Variants in SBF2 observed in about 807,000 individuals in gnomAD.
The protein encoded by SBF2 is SET binding factor 2.
In SBF2, 112 loss-of-function variants were observed where a neutral mutation model predicts 225.2. The observed-to-expected ratio is 0.50, with a 90% confidence interval of 0.43 to 0.58. The LOEUF (loss-of-function observed/expected upper bound fraction) is 0.58, where lower values mean the gene tolerates loss of function less well. SBF2 is among the 20% of genes least tolerant of loss of function. SBF2 has a pLI of 0.00. For synonymous variants in SBF2, 763 were observed against 773.3 expected (o/e 0.99, Z 0.22); for missense variants, 1,996 against 2,206.2 (o/e 0.90, Z 1.91).
At position 10,012,292 on chromosome 11, in the gene SBF2, G is replaced by C. The variant is rs572328609; in HGVS notation, c.620-9603C>G. Among the ~76,000 whole-genome samples, 369 of 152,152 alleles carry C rather than the reference G, an allele frequency of 2.4e-3. 3 individuals carry two copies. The highest frequency in any genetic ancestry group is 3.6e-3 in the Non-Finnish European group (242 of 67,994). On this transcript the variant is annotated intron_variant, in intron 6 of 39. Coordinates refer to ENST00000256190, the MANE Select transcript of SBF2 (RefSeq NM_030962.4). ...TCCTGCATAGCTGGGACTAAGGGGT[G>C]CACCATCACACCTGGCTAGTTTTTT... is the stretch of plus-strand genomic sequence containing the variant.
intron 2 of SBF2, among the ~76,000 whole-genome samples, chr11:10,067,286 A>G (rs1478013251): frequency 1.3e-5 from 2 of 152,236 alleles, no homozygotes; most frequent in East Asian, 1.9e-4. Context: ...CAATTCTTCT[A>G]CAAGTCAATC....
At chr11:9,908,320 T>G (rs1257270383) in intron 16 of SBF2, among the ~76,000 whole-genome samples, 1 of 152,052 alleles carries the variant, frequency 6.6e-6, no homozygotes, top group African/African-American at 2.4e-5. Context: ...TACTGGAAAT[T>G]GTGAATAGAG....
chr11:9,792,530 G>C (rs1305770872), intron 33 of SBF2, among the ~76,000 whole-genome samples: 5 of 152,118 alleles, frequency 3.3e-5, no homozygotes, highest in Non-Finnish European at 7.3e-5. Context: ...AGTTACCACA[G>C]GTGTTCCTAA....
chr11:9,959,389 C>A lies in SBF2; in HGVS notation c.1860+2568G>T, dbSNP rs1041358558. The stretch of plus-strand genomic sequence containing the variant: ...AACCAAAGGGGTGCCCGTCTGTCCC[C>A]ATGAGATTATATATTCCTGCTCCAT... On this transcript the variant is annotated intron_variant, in intron 16 of 39. Transcript: ENST00000256190. 3 of 818,056 alleles carry A rather than the reference C, an allele frequency of 3.7e-6. No individual in the cohort carries two copies. In the African/African-American group the frequency reaches 5.0e-5, roughly 14 times the overall value. 50.7% of individuals were successfully genotyped at this position (818,056 alleles called of 1,614,324 possible).
chr11:10,018,858 TCTGA>T (rs1209663060), intron 6 of SBF2, among the ~76,000 whole-genome samples: 2 of 152,206 alleles, frequency 1.3e-5, no homozygotes, highest in Non-Finnish European at 2.9e-5. Context: ...TTAATAACAT[TCTGA>T]CTATTTCCTA....
chr11:9,916,915 T>C (rs1292237311), intron 16 of SBF2, among the ~76,000 whole-genome samples: 1 of 151,912 alleles, frequency 6.6e-6, no homozygotes, highest in Non-Finnish European at 1.5e-5. Context: ...AACATAAAAT[T>C]GGATACTAGT....
intron 6 of SBF2, among the ~76,000 whole-genome samples, chr11:10,015,193 T>C (rs1406977560): frequency 6.6e-6 from 1 of 152,164 alleles, no homozygotes; most frequent in Non-Finnish European, 1.5e-5. Context: ...CTGGTATCCA[T>C]AATGTACTAT....
At chr11:10,035,674 C>A (rs1218921151) in intron 3 of SBF2, among the ~76,000 whole-genome samples, 1 of 152,182 alleles carries the variant, frequency 6.6e-6, no homozygotes, top group Non-Finnish European at 1.5e-5. Context: ...TGCTCATCAT[C>A]ACTGGTCATC....
chr11:9,834,155 C>T (rs1187537224), intron 26 of SBF2, among the ~76,000 whole-genome samples: 13 of 149,032 alleles, frequency 8.7e-5, no homozygotes, highest in Non-Finnish European at 1.5e-4. Flanking sequence ...TGCAATGGTG[C>T]GATCTTGGCT....
At chr11:9,941,042 G>T (rs1029825763) in intron 16 of SBF2, among the ~76,000 whole-genome samples, 1 of 152,214 alleles carries the variant, frequency 6.6e-6, no homozygotes, top group Non-Finnish European at 1.5e-5. Context: ...AAGGCTGGAT[G>T]TGGTGGCTCA....
rs549918636 is a variant in SBF2 at position 9,800,468 on chromosome 11, G to A, written c.4444-4511C>T. Among the ~76,000 whole-genome samples the A allele has an allele frequency of 6.0e-5, 9 of 150,180 alleles. No individual in the cohort carries two copies. In the East Asian group the frequency reaches 1.0e-3, roughly 17 times the overall value. On this transcript the variant is annotated intron_variant, in intron 32 of 39. Transcript: ENST00000256190. ...GTTGCCCAGGCTGGAGTGCAGTGGC[G>A]CAGTCTCGGCTCACTGCAAGCTCCA...
chr11:10,209,698 C>T (rs1173140451), intron 1 of SBF2, among the ~76,000 whole-genome samples: 1 of 152,128 alleles, frequency 6.6e-6, no homozygotes, highest in Non-Finnish European at 1.5e-5. Context: ...TCTTCTCTCC[C>T]TCCATTCTCT....
At position 9,962,872 on chromosome 11, in the gene SBF2, G is replaced by GACTGA. The variant is rs1218486212; in HGVS notation, c.1711-767_1711-766insTCAGT. Among the ~76,000 whole-genome samples, 12 of 152,288 alleles carry GACTGA rather than the reference G, an allele frequency of 7.9e-5. No individual in the cohort carries two copies. The East Asian group carries it at 2.3e-3, about 29-fold the overall frequency. ...TAGGATGTGAAAGTTGAAAGCAAAA[G>GACTGA]AAGTGAAAGACTTCAACTCTAAGAA... On this transcript the variant is annotated intron_variant, in intron 15 of 39. Transcript: ENST00000256190.
intron 13 of SBF2, among the ~76,000 whole-genome samples, chr11:9,988,766 T>C (rs1055918679): frequency 3.3e-5 from 5 of 151,716 alleles, no homozygotes; most frequent in Non-Finnish European, 5.9e-5. Context: ...GATGTTGGAG[T>C]GGATGTGGTA....
chr11:9,808,928 C>G lies in SBF2; in HGVS notation c.4230G>C (p.Leu1410Phe). The G allele has an allele frequency of 6.2e-7, 1 of 1,613,892 alleles. No individual in the cohort carries two copies. Among genetic ancestry groups the G allele is most frequent in the East Asian group, 2.2e-5 (1 of 44,882 alleles). The part of the protein sequence containing the change: ...LENGSSVLVC[L>F]EEGWDITAQV... Reference sequence around the variant, plus strand: ...GTGCAGTGATGTCCCAGCCTTCCTCCAAACAGACCAAAACTGAGGAACCAT... The same window carrying G: ...GTGCAGTGATGTCCCAGCCTTCCTCGAAACAGACCAAAACTGAGGAACCAT... Residue 1410 changes from leucine (L) to phenylalanine (F), a missense_variant, in exon 31 of 40, where the codon TTG (leucine) becomes TTC (phenylalanine). By Grantham distance (22) the Leu-to-Phe change is conservative. Coordinates refer to ENST00000256190, the MANE Select transcript of SBF2 (RefSeq NM_030962.4).
At chr11:10,110,732 A>G (rs963381124) in intron 2 of SBF2, among the ~76,000 whole-genome samples, 4 of 152,178 alleles carry the variant, frequency 2.6e-5, no homozygotes, top group Admixed American at 2.6e-4. Flanking sequence ...GTTGGCACAT[A>G]TATTTCCTTT....
At chr11:9,862,361 T>C (rs911586345) in intron 17 of SBF2, among the ~76,000 whole-genome samples, 1 of 152,148 alleles carries the variant, frequency 6.6e-6, no homozygotes, top group Non-Finnish European at 1.5e-5. Context: ...CATGGCTTGA[T>C]CTACAAATTG....
In SBF2 at chr11:9,780,284, A is replaced by C. The variant is rs1291784131; in HGVS notation, c.*134T>G. ...GTTAAGTAGATATAGCAACCCCTGC[A>C]AGAGGGGACTGGGCAGGAGAACCTC... is the stretch of plus-strand genomic sequence containing the variant. On this transcript the variant is annotated 3_prime_UTR_variant, in exon 40 of 40. Transcript: ENST00000256190. The C allele has an allele frequency of 2.6e-6, 2 of 768,000 alleles. No homozygotes were observed. The highest frequency in any genetic ancestry group is 4.5e-6 in the Non-Finnish European group (2 of 446,438). The allele number at this position is 768,000 out of a possible 1,614,324, so 47.6% of individuals were successfully genotyped here. A position where few individuals can be genotyped will look rare whatever the true frequency, so the allele number is the denominator to read the frequency against.
intron 1 of SBF2, among the ~76,000 whole-genome samples, chr11:10,301,389 TCTC>T: frequency 6.6e-6 from 1 of 152,334 alleles, no homozygotes; most frequent in Admixed American, 6.5e-5. Flanking sequence ...CTGCTTTACT[TCTC>T]CTTGTAAGTG....
Sources: allele counts gnomAD v4.1 joint callset (sites outside exome capture counted in the v4.1 genomes callset), GRCh38; gene constraint gnomAD v4.1.1; transcripts MANE v1.5; gene names NCBI Gene and HGNC (gene_info 2026-07-23, HGNC 2026-07-21).